Variants in PLPP1 observed in about 807,000 individuals in gnomAD.
PLPP1 encodes the protein lipid phosphate phosphohydrolase 1a.
A neutral mutation model predicts 31.2 loss-of-function variants in PLPP1; 24 were observed. The ratio of observed to expected loss-of-function variants is 0.77; its 90% CI spans 0.56 to 1.08. PLPP1 has a LOEUF of 1.08. PLPP1 is among the 50% of genes least tolerant of loss of function. The pLI, the probability that PLPP1 is intolerant of heterozygous loss-of-function variation, is 0.00. For missense variants in PLPP1, 319 were observed against 342.7 expected (o/e 0.93, Z 0.55); for synonymous variants, 146 against 126.3 (o/e 1.16, Z -1.05).
intron 4 of PLPP1, among the ~76,000 whole-genome samples, chr5:55,430,559 CCAA>C (rs1751323746): frequency 6.6e-6 from 1 of 152,202 alleles, no homozygotes; most frequent in African/African-American, 2.4e-5. Context: ...ATCTACCCGA[CCAA>C]CACCACAGAT....
At chr5:55,519,543 G>A (rs2111931876) in intron 1 of PLPP1, among the ~76,000 whole-genome samples, 1 of 152,224 alleles carries the variant, frequency 6.6e-6, no homozygotes, top group South Asian at 2.1e-4. Flanking sequence ...GAGGTCAGGA[G>A]TTCAAGACCA....
At chr5:55,475,151 G>A (rs766346020) in intron 2 of PLPP1, 148 bp downstream of exon 2, 7 of 749,016 alleles carry the variant, frequency 9.3e-6, no homozygotes, top group African/African-American at 1.8e-5. Context: ...AAATAGCTGA[G>A]ATTCTCTTGA....
intron 1 of PLPP1, among the ~76,000 whole-genome samples, chr5:55,494,271 G>C (rs1752958292): frequency 6.6e-6 from 1 of 152,034 alleles, no homozygotes; most frequent in Non-Finnish European, 1.5e-5. Flanking sequence ...GTAGTGTGTA[G>C]ATAGTGGAAA....
chr5:55,466,365 C>T (rs1561233794), intron 3 of PLPP1, among the ~76,000 whole-genome samples: 1 of 152,106 alleles, frequency 6.6e-6, no homozygotes, highest in African/African-American at 2.4e-5. Context: ...ATAGTATATA[C>T]TCTAGTTAAA....
intron 1 of PLPP1, among the ~76,000 whole-genome samples, chr5:55,481,735 G>C (rs1752671027): frequency 6.6e-6 from 1 of 152,114 alleles, no homozygotes; most frequent in Non-Finnish European, 1.5e-5. Context: ...GAAGCCTGAA[G>C]AACCCAGACA....
chr5:55,472,710 GAA>G (rs1453241423), intron 2 of PLPP1, among the ~76,000 whole-genome samples: 8 of 150,634 alleles, frequency 5.3e-5, no homozygotes, highest in South Asian at 2.1e-4. Flanking sequence ...GAGAAAAAGA[GAA>G]AGAGAGAGAG....
chr5:55,447,847 T>C (rs1219168135), intron 3 of PLPP1, among the ~76,000 whole-genome samples: 1 of 152,202 alleles, frequency 6.6e-6, no homozygotes, highest in African/African-American at 2.4e-5. Context: ...TCACTCAGGC[T>C]AGAGTTCAGT....
intron 1 of PLPP1, among the ~76,000 whole-genome samples, chr5:55,496,870 A>T (rs941098709): frequency 6.6e-6 from 1 of 152,186 alleles, no homozygotes; most frequent in Non-Finnish European, 1.5e-5. Flanking sequence ...TACTTCCTCA[A>T]ATATGTGCTA....
chr5:55,479,060 T>C (rs1752618162), intron 1 of PLPP1, among the ~76,000 whole-genome samples: 1 of 151,022 alleles, frequency 6.6e-6, no homozygotes, highest in Non-Finnish European at 1.5e-5. Context: ...GTTTCACTGT[T>C]GCTGCCCAGG....
chr5:55,443,187 A>AT (rs1490244480), intron 3 of PLPP1, among the ~76,000 whole-genome samples: 67 of 75,074 alleles, frequency 8.9e-4, no homozygotes, highest in South Asian at 1.6e-3. Flanking sequence ...TAAAAAAAAA[A>AT]AAAAAATATA....
At chr5:55,533,682 A>C (rs1740765156) in intron 1 of PLPP1, among the ~76,000 whole-genome samples, 1 of 152,206 alleles carries the variant, frequency 6.6e-6, no homozygotes, top group Non-Finnish European at 1.5e-5. Context: ...AACCTCCAGC[A>C]GCTCTTGCTT....
Position 55,425,874 on chromosome 5 carries a change from C to T in PLPP1, c.715G>A (p.Ala239Thr). The change falls in exon 5 of 6, where the codon GCA becomes ACA. Residue 239 changes from alanine to threonine, a missense_variant. Transcript: ENST00000307259. ...LTGLIQGALV[A>T]ILVAVYVSDF... ...ACCTGTATACTTACAACTAATATTG[C>T]AACCAGAGCTCCCTGAATGAGTCCA... 1 of 1,604,282 alleles carries T rather than the reference C, an allele frequency of 6.2e-7. No individual in the cohort carries two copies. Among genetic ancestry groups the T allele is most frequent in the Non-Finnish European group, 8.5e-7 (1 of 1,177,160 alleles).
Position 55,462,863 on chromosome 5 carries a change from C to T in PLPP1, c.491+5006G>A, listed in dbSNP as rs148979938. Among the ~76,000 whole-genome samples, 602 of 151,998 alleles carry T rather than the reference C, an allele frequency of 4.0e-3. 4 individuals are homozygous for T. Among genetic ancestry groups the T allele is most frequent in the African/African-American group, 0.014 (574 of 41,446 alleles). ...TGGTGGGTGCCTGTAGATCCAGCTA[C>T]TCAAGAGGCTCAGGCAGGAGAATGG... On this transcript the variant is annotated intron_variant, in intron 3 of 5. Transcript: ENST00000307259.
intron 3 of PLPP1, among the ~76,000 whole-genome samples, chr5:55,459,343 T>C (rs1752101132): frequency 6.6e-6 from 1 of 152,002 alleles, no homozygotes; most frequent in Non-Finnish European, 1.5e-5. Context: ...CAATTATAGT[T>C]AGAGATTTCA....
chr5:55,466,396 C>T (rs1215118596), intron 3 of PLPP1, among the ~76,000 whole-genome samples: 1 of 152,018 alleles, frequency 6.6e-6, no homozygotes. Context: ...TTCATCCCCA[C>T]TAAATACAAA....
At chr5:55,520,116 T>C (rs1293859606) in intron 1 of PLPP1, among the ~76,000 whole-genome samples, 15 of 152,220 alleles carry the variant, frequency 9.9e-5, no homozygotes, top group African/African-American at 3.6e-4. Flanking sequence ...CATCTTTATT[T>C]ATTCATATTT....
At chr5:55,441,574 G>C (rs1281293015) in intron 4 of PLPP1, among the ~76,000 whole-genome samples, 1 of 152,214 alleles carries the variant, frequency 6.6e-6, no homozygotes, top group African/African-American at 2.4e-5. Flanking sequence ...AGTTAGGGAG[G>C]AGGTTAACAA....
intron 3 of PLPP1, among the ~76,000 whole-genome samples, chr5:55,449,751 G>A (rs1029906870): frequency 5.3e-5 from 8 of 152,034 alleles, no homozygotes; most frequent in African/African-American, 1.4e-4. Flanking sequence ...CTGAAATTCA[G>A]TAAATTAACT....
At chr5:55,500,748 C>A (rs1753125379) in intron 1 of PLPP1, among the ~76,000 whole-genome samples, 1 of 151,876 alleles carries the variant, frequency 6.6e-6, no homozygotes, top group Non-Finnish European at 1.5e-5. Context: ...AGGCCAGAGG[C>A]AAGAAATACC....
Sources: allele counts gnomAD v4.1 joint callset (sites outside exome capture counted in the v4.1 genomes callset), GRCh38; gene constraint gnomAD v4.1.1; transcripts MANE v1.5; gene names NCBI Gene and HGNC (gene_info 2026-07-23, HGNC 2026-07-21).